ERI3: variants seen among roughly 807,000 people sequenced by gnomAD.
ERI3 encodes the protein ERI1 exoribonuclease family member 3, also known as ERI1 exoribonuclease 3.
A neutral mutation model predicts 44.4 loss-of-function variants in ERI3; 18 were observed. That is an observed-to-expected ratio of 0.41 (90% CI 0.28 to 0.60). The LOEUF (loss-of-function observed/expected upper bound fraction) is 0.60. Ranked by LOEUF, ERI3 falls within the 20% of genes least tolerant of loss-of-function variation. The pLI is 0.36. For missense variants in ERI3, 294 were observed against 435.5 expected (o/e 0.68, Z 2.89); for synonymous variants, 183 against 164.8 (o/e 1.11, Z -0.84).
chr1:44,322,636 T>G, intron 3 of ERI3: 36 of 1,432,902 alleles, frequency 2.5e-5, no homozygotes, highest in Non-Finnish European at 3.1e-5. Context: ...CATATTCACT[T>G]GAGCTACTGA....
intron 4 of ERI3, among the ~76,000 whole-genome samples, chr1:44,317,569 A>T (rs1275676696): frequency 6.6e-6 from 1 of 152,144 alleles, no homozygotes; most frequent in Non-Finnish European, 1.5e-5. Context: ...TTGGTAGCAG[A>T]CCCTAATGAT....
chr1:44,251,467 C>T (rs181152066), intron 7 of ERI3, among the ~76,000 whole-genome samples: 46 of 152,308 alleles, frequency 3.0e-4, no homozygotes, highest in Admixed American at 2.6e-3. Flanking sequence ...TCAGAGATTC[C>T]GGCTGAGGAG....
chr1:44,335,720 C>CAGCCTGGGCAACAAGAGCAACTTGT (rs1180422097), intron 3 of ERI3, among the ~76,000 whole-genome samples: 7 of 150,854 alleles, frequency 4.6e-5, no homozygotes, highest in African/African-American at 7.3e-5. Flanking sequence ...CATTGCACTC[C>CAGCCTGGGCAACAAGAGCAACTTGT]AGCCTGGGCA....
At chr1:44,263,275 G>C (rs991074189) in intron 7 of ERI3, among the ~76,000 whole-genome samples, 1 of 152,164 alleles carries the variant, frequency 6.6e-6, no homozygotes, top group African/African-American at 2.4e-5. Flanking sequence ...GGAGGTCAGG[G>C]GCTGAAAACG....
At position 44,221,828 on chromosome 1, in the gene ERI3, G is replaced by A. The variant is rs987358505; in HGVS notation, c.932-188C>T. On this transcript the variant is annotated intron_variant, in intron 8 of 8. Transcript: ENST00000372257. This position sits in a 1 kb window ranked among gnomAD's most constrained non-coding sequence, Gnocchi z 5.9. ...TGGTCTGGGTGATGCTGGGCCGGCA[G>A]GAAGCCTGGTCTCGATGCTTCTCAG... is the stretch of plus-strand genomic sequence containing the variant. Among the ~76,000 whole-genome samples the A allele has an allele frequency of 3.3e-5, 5 of 152,160 alleles. No homozygotes were observed. The highest frequency in any genetic ancestry group is 1.9e-4 in the East Asian group (1 of 5,172).
chr1:44,351,580 C>T (rs1196203050), intron 2 of ERI3, among the ~76,000 whole-genome samples: 3 of 152,144 alleles, frequency 2.0e-5, no homozygotes, highest in Non-Finnish European at 4.4e-5. Context: ...GTGACAGAGA[C>T]CCAAAGCCTA....
At chr1:44,353,841 T>C (rs933244477) in intron 1 of ERI3, 7 of 985,226 alleles carry the variant, frequency 7.1e-6, no homozygotes, top group Non-Finnish European at 8.4e-6. Flanking sequence ...ACAGAATCTA[T>C]AAAGGAAACC....
Position 44,292,053 on chromosome 1 carries a change from A to G in ERI3, c.759-7146T>C, listed in dbSNP as rs1227147963. ...GAGCCAACCAAGGGTAACATGCTTTACAAATAAGGCCTCATAGAAGGGATT... is the reference window on the plus strand; with the variant it reads ...GAGCCAACCAAGGGTAACATGCTTTGCAAATAAGGCCTCATAGAAGGGATT... On this transcript the variant is annotated intron_variant, in intron 6 of 8. Transcript: ENST00000372257. Among the ~76,000 whole-genome samples, 7 of 152,328 alleles carry G rather than the reference A, an allele frequency of 4.6e-5. No homozygotes were observed. The East Asian group carries it at 1.3e-3, about 29-fold the overall frequency.
intron 6 of ERI3, among the ~76,000 whole-genome samples, chr1:44,287,552 T>C (rs576261791): frequency 1.2e-4 from 19 of 152,314 alleles, no homozygotes; most frequent in African/African-American, 3.8e-4. Flanking sequence ...AACTGGTCAG[T>C]TTCCTGGAAG....
chr1:44,268,268 T>TAGGACTTCAC (rs1553187163), intron 7 of ERI3, among the ~76,000 whole-genome samples: 4 of 98,418 alleles, frequency 4.1e-5, no homozygotes, highest in African/African-American at 1.8e-4. Flanking sequence ...TCCCAACCCA[T>TAGGACTTCAC]AGGGTGACTG....
intron 8 of ERI3, among the ~76,000 whole-genome samples, chr1:44,247,178 G>A (rs1391216285): frequency 6.6e-6 from 1 of 152,114 alleles, no homozygotes; most frequent in Non-Finnish European, 1.5e-5. Flanking sequence ...CAACAGACAT[G>A]TATAATCATG....
intron 7 of ERI3, among the ~76,000 whole-genome samples, chr1:44,282,419 G>A (rs145588326): frequency 3.9e-5 from 6 of 152,278 alleles, no homozygotes; most frequent in African/African-American, 1.4e-4. Context: ...GAGAACCAGA[G>A]CCTGGGTCAC....
rs1167554028 is a variant in ERI3 at position 44,248,023 on chromosome 1, T to C, written c.847A>G (p.Met283Val). Residue 283 changes from methionine to valine, a missense_variant, in exon 8 of 9, where the codon ATG becomes GTG. Coordinates refer to ENST00000372257, the MANE Select transcript of ERI3 (RefSeq NM_024066.3). ...INLKKAYSFA[M>V]GCWPKNGLLD... is the part of the protein sequence containing the mutation. Reference sequence around the variant, plus strand: ...AGTCCATTCTTGGGCCAGCAGCCCATGGCGAAGCTGTAAGCCTGGAAGACA... The same window carrying C: ...AGTCCATTCTTGGGCCAGCAGCCCACGGCGAAGCTGTAAGCCTGGAAGACA... 1 of 1,611,802 alleles carries C rather than the reference T, an allele frequency of 6.2e-7. No individual in the cohort carries two copies.
intron 6 of ERI3, among the ~76,000 whole-genome samples, chr1:44,300,739 G>A (rs867936222): frequency 6.6e-6 from 1 of 152,194 alleles, no homozygotes; most frequent in Admixed American, 6.5e-5. Context: ...GACATGTGCA[G>A]GAGGGGGCTT....
At chr1:44,292,962 C>T (rs1448530714) in intron 6 of ERI3, among the ~76,000 whole-genome samples, 9 of 152,166 alleles carry the variant, frequency 5.9e-5, no homozygotes, top group East Asian at 3.9e-4. Flanking sequence ...TATCAGTGTG[C>T]GTGAAGCAGG....
At chr1:44,236,137 T>C (rs775758246) in intron 8 of ERI3, among the ~76,000 whole-genome samples, 1 of 152,216 alleles carries the variant, frequency 6.6e-6, no homozygotes, top group Non-Finnish European at 1.5e-5. Flanking sequence ...TGAGGACTAA[T>C]GGGAACCACC....
chr1:44,331,034 T>C (rs1646417234), intron 3 of ERI3, among the ~76,000 whole-genome samples: 2 of 152,190 alleles, frequency 1.3e-5, no homozygotes. Flanking sequence ...CTTCCCCCAC[T>C]GTCCCCGCTT....
intron 7 of ERI3, among the ~76,000 whole-genome samples, chr1:44,248,612 C>T (rs556207129): frequency 1.6e-4 from 25 of 152,070 alleles, no homozygotes; most frequent in Admixed American, 1.5e-3. Context: ...GGTGGCTCAA[C>T]TGAGGAGAGG....
intron 7 of ERI3, among the ~76,000 whole-genome samples, chr1:44,250,554 C>A (rs572454445): frequency 6.6e-6 from 1 of 152,180 alleles, no homozygotes; most frequent in African/African-American, 2.4e-5. Context: ...GGAGGCAACC[C>A]GGTCCCGCCT....
Sources: gnomAD v4.1 joint callset for allele counts (sites outside exome capture counted in the v4.1 genomes callset) on GRCh38, gnomAD v4.1.1 for gene constraint, Gnocchi (gnomAD v3.1) non-coding constraint, MANE v1.5 for transcripts, NCBI Gene and HGNC (gene_info 2026-07-23, HGNC 2026-07-21) for gene names.